The following SERPINB7 variants were observed in gnomAD, a reference collection of about 807,000 sequenced individuals.
The protein encoded by SERPINB7 is serpin B7.
Under a neutral mutation model 37.4 loss-of-function variants are expected in SERPINB7, and 31 were observed. The ratio of observed to expected loss-of-function variants is 0.83; its 90% CI spans 0.62 to 1.12. SERPINB7 has a LOEUF of 1.12. SERPINB7 is among the 50% of genes most tolerant of loss of function. SERPINB7 has a pLI of 0.00. For missense variants in SERPINB7, 521 were observed against 455.3 expected, an observed-to-expected ratio of 1.14 and a Z score of -1.31; for synonymous variants, 163 against 166.1, an observed-to-expected ratio of 0.98 and a Z score of 0.14.
intron 1 of SERPINB7, among the ~76,000 whole-genome samples, chr18:63,756,675 T>G (rs562886089): frequency 2.6e-5 from 4 of 152,234 alleles, no homozygotes; most frequent in Admixed American, 2.6e-4. Flanking sequence ...AAGAAGATTC[T>G]GTGAGATTAG....
intron 1 of SERPINB7, among the ~76,000 whole-genome samples, chr18:63,757,367 T>G (rs1011444708): frequency 3.3e-5 from 5 of 152,206 alleles, no homozygotes; most frequent in South Asian, 2.1e-4. Context: ...CTAAGTAGTA[T>G]TAATAATATC....
At chr18:63,763,880 A>G (rs563563710) in intron 1 of SERPINB7, among the ~76,000 whole-genome samples, 46 of 152,328 alleles carry the variant, frequency 3.0e-4, no homozygotes, top group African/African-American at 1.1e-3. Context: ...ACATTTCACC[A>G]TGCTATTCTT....
chr18:63,800,084 C>G (rs2049531534), intron 6 of SERPINB7, among the ~76,000 whole-genome samples: 1 of 148,592 alleles, frequency 6.7e-6, no homozygotes, highest in African/African-American at 2.5e-5. Context: ...GAGACAGGGT[C>G]TTAAGCTTGC....
intron 1 of SERPINB7, among the ~76,000 whole-genome samples, chr18:63,757,495 C>T (rs1032419906): frequency 2.0e-5 from 3 of 152,144 alleles, no homozygotes; most frequent in Non-Finnish European, 4.4e-5. Context: ...GTGTTGTTTG[C>T]CAAGGACTTT....
intron 4 of SERPINB7, 63 bp from the exon 5 acceptor site, chr18:63,796,203 A>G (rs2049485817): frequency 1.5e-5 from 14 of 955,208 alleles, no homozygotes; most frequent in Admixed American, 2.1e-5. Flanking sequence ...GTTCAAAAAT[A>G]CATTTCTTAT....
rs960472177 is a variant in SERPINB7 at position 63,754,905 on chromosome 18, T to C, written c.-19+1785T>C. On this transcript the variant is annotated intron_variant, in intron 1 of 7. Transcript: ENST00000336429. ...CTTTTTTTTTTTTTTTTTTTTTTTT[T>C]TTTTTGAGACGGAGTCTCGCTCTGT... is the stretch of plus-strand genomic sequence containing the variant. Among the ~76,000 whole-genome samples the C allele has an allele frequency of 4.3e-5, 6 of 139,748 alleles. No homozygotes were observed. In the Admixed American group the frequency reaches 4.3e-4, roughly 10 times the overall value. 91.7% of individuals were successfully genotyped at this position (139,748 alleles called of 152,430 possible). A position where few individuals can be genotyped will look rare whatever the true frequency, so the allele number is the denominator to read the frequency against.
intron 1 of SERPINB7, among the ~76,000 whole-genome samples, chr18:63,776,257 G>A (rs898126336): frequency 2.6e-5 from 4 of 151,730 alleles, no homozygotes; most frequent in African/African-American, 9.7e-5. Context: ...TTTAATAATA[G>A]AACATCACCA....
rs770053090 is a variant in SERPINB7, at chr18:63,796,242, C to T, written c.337-24C>T. On this transcript the variant is annotated intron_variant, in intron 4 of 7. Coordinates refer to ENST00000398019, the MANE Select transcript of SERPINB7 (RefSeq NM_003784.4). ...CTTAGTTGGTGATGATTTGTAAATA[C>T]GAGAACTATATTCTTCTTTATAGGA... 7.6e-6 allele frequency: 10 copies of T among 1,316,720 alleles called. No individual in the cohort carries two copies. In the East Asian group the frequency reaches 9.3e-5, roughly 12 times the overall value. 81.6% of individuals were successfully genotyped at this position (1,316,720 alleles called of 1,614,324 possible). A position where few individuals can be genotyped will look rare whatever the true frequency, so the allele number is the denominator to read the frequency against.
At chr18:63,760,031 G>A (rs968906584) in intron 1 of SERPINB7, among the ~76,000 whole-genome samples, 10 of 152,336 alleles carry the variant, frequency 6.6e-5, no homozygotes, top group Admixed American at 4.6e-4. Flanking sequence ...AGTGACTTTG[G>A]AACTGGGTAA....
intron 2 of SERPINB7, among the ~76,000 whole-genome samples, chr18:63,784,831 T>G (rs1042923977): frequency 1.3e-5 from 2 of 152,210 alleles, no homozygotes; most frequent in African/African-American, 4.8e-5. Context: ...TAAAGCTTGA[T>G]TTTAATGCAA....
rs74653657 is a variant in SERPINB7, at chr18:63,792,405, A to G, written c.181A>G (p.Asn61Asp). Reference protein sequence around the residue: ...LSQIDKLLHVNTASGYGNSSN... With the variant: ...LSQIDKLLHVDTASGYGNSSN... ...GCCCTGTTTACAGTTGCTTCATGTTAACACTGCCTCAGGATATGGAAACTC... is the reference window on the plus strand; with the variant it reads ...GCCCTGTTTACAGTTGCTTCATGTTGACACTGCCTCAGGATATGGAAACTC... The change falls in exon 3 of 8, where the codon AAC (asparagine) becomes GAC (aspartate). Residue 61 changes from asparagine (N) to aspartate (D), a missense_variant. By Grantham distance (23) the Asn-to-Asp change is conservative. Transcript: ENST00000398019. The G allele has an allele frequency of 2.8e-4, 442 of 1,604,008 alleles. 2 individuals carry two copies. The East Asian group carries it at 6.5e-3, about 24-fold the overall frequency.
chr18:63,764,636 A>C (rs953920296), intron 1 of SERPINB7, among the ~76,000 whole-genome samples: 4 of 145,144 alleles, frequency 2.8e-5, no homozygotes, highest in African/African-American at 1.0e-4. Flanking sequence ...ACTCTTATTA[A>C]ACAATTTTAA....
intron 1 of SERPINB7, among the ~76,000 whole-genome samples, chr18:63,754,945 TGC>T (rs2049112895): frequency 7.9e-6 from 1 of 127,166 alleles, no homozygotes; most frequent in Non-Finnish European, 1.6e-5. Context: ...CAGGCCGGAC[TGC>T]GGACTGCAGT....
At chr18:63,755,038 T>C (rs2049113689) in intron 1 of SERPINB7, among the ~76,000 whole-genome samples, 1 of 152,026 alleles carries the variant, frequency 6.6e-6, no homozygotes. Flanking sequence ...TAGCTGGGAC[T>C]ACAGGCGCCC....
At chr18:63,784,776 T>C (rs1451305265) in intron 2 of SERPINB7, among the ~76,000 whole-genome samples, 1 of 152,234 alleles carries the variant, frequency 6.6e-6, no homozygotes, top group Non-Finnish European at 1.5e-5. Flanking sequence ...CAGTTGTCAC[T>C]GTTCAATGTG....
At chr18:63,785,328 A>G (rs928360734) in intron 2 of SERPINB7, among the ~76,000 whole-genome samples, 2 of 152,186 alleles carry the variant, frequency 1.3e-5, no homozygotes, top group African/African-American at 2.4e-5. Flanking sequence ...TCTTTTAAGC[A>G]TTCCCATGGA....
chr18:63,781,535 T>C (rs966004789), intron 1 of SERPINB7, among the ~76,000 whole-genome samples: 1 of 152,180 alleles, frequency 6.6e-6, no homozygotes, highest in African/African-American at 2.4e-5. Context: ...CAACCCCAAC[T>C]GCTATTTTGA....
chr18:63,771,411 A>G (rs2049210330), upstream of SERPINB7, among the ~76,000 whole-genome samples: 1 of 152,044 alleles, frequency 6.6e-6, no homozygotes, highest in Non-Finnish European at 1.5e-5. Context: ...TTTATTTTAT[A>G]TCTTATTTAT....
chr18:63,758,638 C>T (rs551323192), intron 1 of SERPINB7, among the ~76,000 whole-genome samples: 2 of 152,068 alleles, frequency 1.3e-5, no homozygotes, highest in East Asian at 1.9e-4. Flanking sequence ...TTCTTTAGGC[C>T]CTGCTCCCTC....
Sources: allele counts gnomAD v4.1 joint callset (sites outside exome capture counted in the v4.1 genomes callset), GRCh38; gene constraint gnomAD v4.1.1; transcripts MANE v1.5; gene names NCBI Gene and HGNC (gene_info 2026-07-23, HGNC 2026-07-21).